Variants in DTNA observed in about 807,000 individuals in gnomAD.
The protein encoded by DTNA is dystrophin-related protein 3.
In DTNA, 43 loss-of-function variants were observed where a neutral mutation model predicts 100.7. The observed-to-expected ratio is 0.43, with a 90% CI of 0.33 to 0.55. The LOEUF is 0.55. DTNA is among the 20% of genes least tolerant of loss of function. DTNA has a pLI of 0.04. For missense variants in DTNA, 798 were observed against 953.9 expected, an observed-to-expected ratio of 0.84 and a Z score of 2.15; for synonymous variants, 349 against 347.9, an observed-to-expected ratio of 1.00 and a Z score of -0.04.
chr18:34,866,061 T>G, intron 17 of DTNA: 1 of 1,607,022 alleles, frequency 6.2e-7, no homozygotes, highest in Non-Finnish European at 8.5e-7. Context: ...GTACATGCTC[T>G]TATTGGAACC....
At chr18:34,731,297 G>A (rs1011282111) in intron 1 of DTNA, among the ~76,000 whole-genome samples, 3 of 151,764 alleles carry the variant, frequency 2.0e-5, no homozygotes, top group African/African-American at 4.8e-5. Flanking sequence ...GGCTAACAAG[G>A]TGAAACCCCG....
intron 1 of DTNA, among the ~76,000 whole-genome samples, chr18:34,522,128 A>C (rs2042205384): frequency 6.6e-6 from 1 of 152,216 alleles, no homozygotes; most frequent in Admixed American, 6.5e-5. Context: ...TCTGTCAGTC[A>C]CTTTATTCAT....
intron 20 of DTNA, among the ~76,000 whole-genome samples, chr18:34,881,381 G>A (rs1043320473): frequency 1.3e-5 from 2 of 150,404 alleles, no homozygotes; most frequent in African/African-American, 4.9e-5. Context: ...TCCCACATTA[G>A]GGAATGAGGT....
intron 1 of DTNA, among the ~76,000 whole-genome samples, chr18:34,575,098 C>T (rs2047987438): frequency 6.6e-6 from 1 of 152,132 alleles, no homozygotes; most frequent in Non-Finnish European, 1.5e-5. Context: ...TGCTGTGAAA[C>T]ATTTCTTCTC....
intron 1 of DTNA, among the ~76,000 whole-genome samples, chr18:34,739,173 A>G (rs185661932): frequency 4.9e-4 from 74 of 152,332 alleles, no homozygotes; most frequent in South Asian, 2.7e-3. Flanking sequence ...AGATTAGGAT[A>G]TAAGTGGGAT....
chr18:34,559,533 C>T (rs373384136), intron 1 of DTNA, among the ~76,000 whole-genome samples: 4 of 152,146 alleles, frequency 2.6e-5, no homozygotes, highest in Admixed American at 6.5e-5. Context: ...GAAGAGAACA[C>T]GCTGCTGTTC....
intron 3 of DTNA, among the ~76,000 whole-genome samples, chr18:34,779,807 A>G (rs1473725950): frequency 2.6e-5 from 4 of 152,232 alleles, no homozygotes; most frequent in African/African-American, 9.6e-5. Flanking sequence ...AACAAATGCA[A>G]TGAGATTTTT....
intron 17 of DTNA, among the ~76,000 whole-genome samples, chr18:34,864,294 A>G (rs925674831): frequency 2.3e-5 from 3 of 129,794 alleles, no homozygotes; most frequent in African/African-American, 9.1e-5. Context: ...TCTGTCGCCC[A>G]GGCTGGAGTG....
At chr18:34,536,182 G>T (rs1302051108) in intron 1 of DTNA, among the ~76,000 whole-genome samples, 1 of 151,898 alleles carries the variant, frequency 6.6e-6, no homozygotes, top group Non-Finnish European at 1.5e-5. Flanking sequence ...ATAGATGCTT[G>T]TAATTTGTAA....
At chr18:34,599,412 A>G (rs547677428) in intron 1 of DTNA, among the ~76,000 whole-genome samples, 1 of 152,352 alleles carries the variant, frequency 6.6e-6, no homozygotes, top group East Asian at 1.9e-4. Flanking sequence ...CATTTTTCTC[A>G]TTAATTCAAT....
At chr18:34,518,234 T>G (rs1014808057) in intron 1 of DTNA, among the ~76,000 whole-genome samples, 1 of 152,154 alleles carries the variant, frequency 6.6e-6, no homozygotes, top group African/African-American at 2.4e-5. Context: ...AACCCCTTTT[T>G]TGAAATGTCT....
intron 1 of DTNA, among the ~76,000 whole-genome samples, chr18:34,690,220 G>A (rs891234758): frequency 1.3e-5 from 2 of 152,166 alleles, no homozygotes; most frequent in African/African-American, 2.4e-5. Context: ...AGCTAGCTTG[G>A]TGTCTTCCCA....
chr18:34,640,140 G>C (rs993693172), intron 1 of DTNA, among the ~76,000 whole-genome samples: 1 of 152,196 alleles, frequency 6.6e-6, no homozygotes. Context: ...GACAATCAGA[G>C]ATGATAATGC....
intron 1 of DTNA, among the ~76,000 whole-genome samples, chr18:34,698,911 A>T (rs1188179679): frequency 6.6e-6 from 1 of 151,708 alleles, no homozygotes; most frequent in East Asian, 1.9e-4. Context: ...ACACTCACCC[A>T]GGAACAATAC....
Position 34,585,126 on chromosome 18 carries a change from T to C in DTNA, c.-2+91612T>C, listed in dbSNP as rs552711366. On this transcript the variant is annotated intron_variant, in intron 1 of 19. Coordinates refer to the DTNA transcript ENST00000283365. ...TACTGCATGCTCGCCCACCCACCCA[T>C]GAGGGAGTCCATCGAGAAAGAAAAA... 2.6e-5 allele frequency among the ~76,000 whole-genome samples: 4 copies of C among 152,140 alleles called. No individual in the cohort carries two copies. In the East Asian group the frequency reaches 7.7e-4, roughly 29 times the overall value.
intron 1 of DTNA, among the ~76,000 whole-genome samples, chr18:34,711,008 T>A (rs939408195): frequency 1.3e-5 from 2 of 152,168 alleles, no homozygotes; most frequent in Non-Finnish European, 2.9e-5. Context: ...CTATATTTTT[T>A]AAAACATCTA....
intron 1 of DTNA, among the ~76,000 whole-genome samples, chr18:34,716,990 A>C (rs901443137): frequency 3.3e-5 from 5 of 152,200 alleles, no homozygotes; most frequent in African/African-American, 1.2e-4. Context: ...TCCAATTATT[A>C]GTTTTTGAAA....
intron 1 of DTNA, among the ~76,000 whole-genome samples, chr18:34,613,084 T>C (rs2054552772): frequency 6.6e-6 from 1 of 152,222 alleles, no homozygotes; most frequent in Non-Finnish European, 1.5e-5. Context: ...TGTCACATTT[T>C]GATAATTCCC....
chr18:34,523,416 A>G (rs1324749714), intron 1 of DTNA, among the ~76,000 whole-genome samples: 2 of 152,176 alleles, frequency 1.3e-5, no homozygotes, highest in Non-Finnish European at 1.5e-5. Context: ...GTAGTGTTCC[A>G]TTTGCCCAAG....
Sources: gnomAD v4.1 joint callset for allele counts (sites outside exome capture counted in the v4.1 genomes callset) on GRCh38, gnomAD v4.1.1 for gene constraint, MANE v1.5 for transcripts, NCBI Gene and HGNC (gene_info 2026-07-23, HGNC 2026-07-21) for gene names.